Variants in DSCAM observed in about 807,000 individuals in gnomAD.
The protein encoded by DSCAM is cell adhesion molecule DSCAM.
Under a neutral mutation model 217.7 loss-of-function variants are expected in DSCAM, and 47 were observed. That is an observed-to-expected ratio of 0.22 (90% CI 0.17 to 0.28). The LOEUF (loss-of-function observed/expected upper bound fraction) is 0.28, where lower values mean the gene tolerates loss of function less well. Ranked by LOEUF, DSCAM falls within the 10% of genes least tolerant of loss-of-function variation. DSCAM has a pLI of 1.00. For missense variants in DSCAM, 2,080 were observed against 2,618.3 expected (o/e 0.79, Z 4.49); for synonymous variants, 1,056 against 1,015.3 (o/e 1.04, Z -0.76).
rs373839540 is a variant in DSCAM, at chr21:40,380,021, T to G, written c.509-10776A>C. On this transcript the variant is annotated intron_variant, in intron 3 of 32. Transcript: ENST00000400454. The stretch of plus-strand genomic sequence containing the variant: ...GCTTACAATTCTGCTGGATCCAGTA[T>G]GTAAGGAGAGATTTGGTGTACATAT... 4.6e-5 allele frequency among the ~76,000 whole-genome samples: 7 copies of G among 152,324 alleles called. No individual in the cohort carries two copies. In the South Asian group the frequency reaches 6.2e-4, roughly 14 times the overall value.
intron 1 of DSCAM, among the ~76,000 whole-genome samples, chr21:40,840,389 CG>C (rs72247500): frequency 0.011 from 1,643 of 152,140 alleles, 32 homozygotes; most frequent in African/African-American, 0.038. Context: ...GCGGAGTGGG[CG>C]GGGAACCTAA....
At chr21:40,194,898 G>A (rs557953659) in intron 11 of DSCAM, among the ~76,000 whole-genome samples, 97 of 152,160 alleles carry the variant, frequency 6.4e-4, no homozygotes, top group Middle Eastern at 3.4e-3. Flanking sequence ...TAGAAATCAC[G>A]GCTTTCTCCA....
intron 15 of DSCAM, among the ~76,000 whole-genome samples, chr21:40,167,560 A>G (rs1452809868): frequency 6.6e-6 from 1 of 152,138 alleles, no homozygotes; most frequent in Non-Finnish European, 1.5e-5. Flanking sequence ...ATCAATCCCA[A>G]TTTTGAACAA....
At chr21:40,824,403 A>ATGTTTTTTTTTTTTT in intron 1 of DSCAM, among the ~76,000 whole-genome samples, 1 of 121,030 alleles carries the variant, frequency 8.3e-6, no homozygotes. Flanking sequence ...TTTATTATTG[A>ATGTTTTTTTTTTTTT]TTTTTTTTTT....
intron 1 of DSCAM, among the ~76,000 whole-genome samples, chr21:40,711,181 C>G (rs2837791): frequency 0.31 from 47,680 of 151,966 alleles, 8,097 homozygotes; most frequent in African/African-American, 0.44. Flanking sequence ...GTGGGGATTA[C>G]AGGCAGCTCT....
At chr21:40,639,505 G>C (rs2089850884) in intron 3 of DSCAM, among the ~76,000 whole-genome samples, 1 of 152,188 alleles carries the variant, frequency 6.6e-6, no homozygotes, top group Admixed American at 6.5e-5. Flanking sequence ...ATGTGGGCTA[G>C]AAATTTGAAC....
At chr21:40,167,533 C>G (rs1391743103) in intron 15 of DSCAM, among the ~76,000 whole-genome samples, 1 of 152,188 alleles carries the variant, frequency 6.6e-6, no homozygotes, top group Non-Finnish European at 1.5e-5. Flanking sequence ...CTCACCATGT[C>G]TTTGACAACC....
At chr21:40,760,033 A>G (rs2005935) in intron 1 of DSCAM, among the ~76,000 whole-genome samples, 101,198 of 150,428 alleles carry the variant, frequency 0.67, 34,134 homozygotes, top group South Asian at 0.75. Flanking sequence ...CTTGCTCTGC[A>G]ACCAGGCTGG....
rs1385686737 is a variant in DSCAM, at chr21:40,428,232, CTTTGTGTGTG to C, written c.509-58997_509-58988del. Among the ~76,000 whole-genome samples, 97 of 129,528 alleles carry C rather than the reference CTTTGTGTGTG, an allele frequency of 7.5e-4. 1 individual carries two copies. Among genetic ancestry groups the C allele is most frequent in the African/African-American group, 2.7e-3 (93 of 34,040 alleles). 85.0% of individuals were successfully genotyped at this position (129,528 alleles called of 152,430 possible). ...AACTGTGTGACCATGAGGGCAAATA[CTTTGTGTGTG>C]TGTGTGTGTGTGTGTGTGTGTGTGT... On this transcript the variant is annotated intron_variant, in intron 3 of 32. Coordinates refer to ENST00000400454, the MANE Select transcript of DSCAM (RefSeq NM_001389.5).
chr21:40,262,644 G>A (rs1469983858), intron 11 of DSCAM, among the ~76,000 whole-genome samples: 1 of 152,118 alleles, frequency 6.6e-6, no homozygotes, highest in Non-Finnish European at 1.5e-5. Context: ...ACCCTCTTAT[G>A]AAGGCATCTC....
At chr21:40,672,365 C>G (rs1021227385) in intron 3 of DSCAM, among the ~76,000 whole-genome samples, 16 of 152,048 alleles carry the variant, frequency 1.1e-4, no homozygotes, top group African/African-American at 3.9e-4. Flanking sequence ...GAGTTGGAAG[C>G]TGGAAAGAGA....
intron 3 of DSCAM, among the ~76,000 whole-genome samples, chr21:40,416,546 T>C (rs938650662): frequency 1.3e-5 from 2 of 152,154 alleles, no homozygotes; most frequent in African/African-American, 2.4e-5. Context: ...GAGACAAGAA[T>C]AGTCACTGTA....
At chr21:40,334,944 G>A (rs745572567) in intron 8 of DSCAM, among the ~76,000 whole-genome samples, 11 of 151,998 alleles carry the variant, frequency 7.2e-5, no homozygotes, top group Non-Finnish European at 1.6e-4. Flanking sequence ...TAAGTCCCCC[G>A]TGAAAAGGTT....
chr21:40,785,611 C>T (rs577264557), intron 1 of DSCAM, among the ~76,000 whole-genome samples: 17 of 152,292 alleles, frequency 1.1e-4, no homozygotes, highest in African/African-American at 3.4e-4. Context: ...GTATGGCTTC[C>T]CGCCAACCTC....
chr21:40,528,480 C>T (rs545719268), intron 3 of DSCAM, among the ~76,000 whole-genome samples: 1 of 152,264 alleles, frequency 6.6e-6, no homozygotes, highest in Non-Finnish European at 1.5e-5. Flanking sequence ...TTTTCTAGAA[C>T]AGCACTAATT....
chr21:40,454,282 C>T (rs1194041710), intron 3 of DSCAM, among the ~76,000 whole-genome samples: 2 of 152,166 alleles, frequency 1.3e-5, no homozygotes, highest in African/African-American at 2.4e-5. Context: ...GTCACGTGTT[C>T]GTATGTGGCT....
At chr21:40,202,293 G>A (rs572247843) in intron 11 of DSCAM, among the ~76,000 whole-genome samples, 8 of 152,354 alleles carry the variant, frequency 5.3e-5, no homozygotes, top group Non-Finnish European at 1.2e-4. Context: ...TGTCATGTCT[G>A]AAGCCATGTT....
At chr21:40,341,198 C>T (rs1033901960) in intron 6 of DSCAM, among the ~76,000 whole-genome samples, 4 of 152,160 alleles carry the variant, frequency 2.6e-5, no homozygotes, top group Admixed American at 2.6e-4. Flanking sequence ...GTCTTTAACG[C>T]ACTGCAGACG....
intron 11 of DSCAM, among the ~76,000 whole-genome samples, chr21:40,261,527 C>T (rs2073450018): frequency 1.3e-5 from 2 of 152,030 alleles, no homozygotes; most frequent in African/African-American, 4.8e-5. Flanking sequence ...GAAACATTGG[C>T]TCTCCTTGGG....
Sources: allele counts gnomAD v4.1 joint callset (sites outside exome capture counted in the v4.1 genomes callset), GRCh38; gene constraint gnomAD v4.1.1; transcripts MANE v1.5; gene names NCBI Gene and HGNC (gene_info 2026-07-23, HGNC 2026-07-21).